Variants in CDH9 observed in about 807,000 individuals in gnomAD.
CDH9 encodes the protein cadherin 9, also known as cadherin-9.
A neutral mutation model predicts 70.9 loss-of-function variants in CDH9; 28 were observed. The ratio of observed to expected loss-of-function variants is 0.40; its 90% CI spans 0.29 to 0.54. The LOEUF (loss-of-function observed/expected upper bound fraction) is 0.54. Ranked by LOEUF, CDH9 falls within the 20% of genes least tolerant of loss-of-function variation. The pLI, the probability that CDH9 is intolerant of heterozygous loss-of-function variation, is 0.59. For missense variants in CDH9, 874 were observed against 984.4 expected, an observed-to-expected ratio of 0.89 and a Z score of 1.50; for synonymous variants, 409 against 343.1, an observed-to-expected ratio of 1.19 and a Z score of -2.12.
rs1284489199 is a variant in CDH9, at chr5:26,952,598, G to A, written c.228+35508C>T. The stretch of plus-strand genomic sequence containing the variant: ...TGCAGTGAACTTAGATCGCGCCACT[G>A]CACTCCAGCCTGGGCGACAGAGAAA... On this transcript the variant is annotated intron_variant, in intron 2 of 11. Transcript: ENST00000231021. Among the ~76,000 whole-genome samples the A allele has an allele frequency of 8.7e-5, 10 of 115,092 alleles. 1 individual carries two copies. The Admixed American group carries it at 1.3e-3, about 15-fold the overall frequency. 75.5% of individuals were successfully genotyped at this position (115,092 alleles called of 152,430 possible). A position where few individuals can be genotyped will look rare whatever the true frequency, so the allele number is the denominator to read the frequency against.
chr5:27,035,689 TGTGTGTGTG>T (rs1561048619), intron 1 of CDH9, among the ~76,000 whole-genome samples: 11 of 150,628 alleles, frequency 7.3e-5, no homozygotes, highest in Non-Finnish European at 3.0e-5. Context: ...TGTGTGTGTG[TGTGTGTGTG>T]TGTGTGTGTG....
intron 2 of CDH9, among the ~76,000 whole-genome samples, chr5:26,948,844 GT>G (rs1057497516): frequency 2.0e-5 from 3 of 152,176 alleles, no homozygotes; most frequent in African/African-American, 7.2e-5. Context: ...CACGACCTAA[GT>G]TTGAGAATGA....
chr5:26,995,216 C>A (rs2112099029), intron 1 of CDH9, among the ~76,000 whole-genome samples: 1 of 152,244 alleles, frequency 6.6e-6, no homozygotes, highest in South Asian at 2.1e-4. Flanking sequence ...TTGGTTAATT[C>A]ATTAATGCCT....
chr5:26,901,205 G>A (rs1740848753), intron 7 of CDH9, among the ~76,000 whole-genome samples: 1 of 151,866 alleles, frequency 6.6e-6, no homozygotes. Flanking sequence ...AAGAAGGTGT[G>A]TTTCAAAATG....
intron 2 of CDH9, among the ~76,000 whole-genome samples, chr5:26,937,168 A>G (rs1234806497): frequency 1.3e-5 from 2 of 152,098 alleles, no homozygotes. Context: ...AAATGTACAA[A>G]GAACTCTTAA....
chr5:26,887,559 T>C (rs1740586287), intron 9 of CDH9, among the ~76,000 whole-genome samples: 1 of 151,916 alleles, frequency 6.6e-6, no homozygotes, highest in South Asian at 2.1e-4. Context: ...AAGACAAGCA[T>C]ACTGATAGAT....
Position 26,881,144 on chromosome 5 carries a change from G to A in CDH9, c.2362C>T (p.Arg788Ter). The change falls in exon 12 of 12, where the codon CGA (arginine) becomes TGA (stop). Residue 788 changes from arginine to a stop codon, truncating the protein, a stop_gained. Coordinates refer to ENST00000231021, the MANE Select transcript of CDH9 (RefSeq NM_016279.4). LOFTEE classifies it high-confidence loss of function. ...TAAGTCAAACAATCCTCTTAGTCTC[G>A]GTCACTATCATCACCCCCATACATA... ...ADMYGGDDSD[R>*]D The A allele has an allele frequency of 2.5e-6, 4 of 1,603,966 alleles. No individual in the cohort carries two copies. The highest frequency in any genetic ancestry group is 1.3e-5 in the African/African-American group (1 of 74,574).
chr5:26,979,353 A>G (rs77800779), intron 2 of CDH9, among the ~76,000 whole-genome samples: 390 of 151,868 alleles, frequency 2.6e-3, no homozygotes, highest in African/African-American at 8.9e-3. Context: ...GACTAAAAAC[A>G]TAAAAACACA....
chr5:26,940,428 A>T (rs558807329), intron 2 of CDH9, among the ~76,000 whole-genome samples: 43 of 152,318 alleles, frequency 2.8e-4, no homozygotes, highest in African/African-American at 1.0e-3. Context: ...GGTACACATT[A>T]TTAAAAACTA....
At chr5:27,004,561 G>T (rs774773197) in intron 1 of CDH9, among the ~76,000 whole-genome samples, 1 of 152,096 alleles carries the variant, frequency 6.6e-6, no homozygotes, top group Admixed American at 6.6e-5. Flanking sequence ...AAATATCCTG[G>T]TCAACAAAAG....
chr5:26,938,954 G>C (rs982763), intron 2 of CDH9, among the ~76,000 whole-genome samples: 145,571 of 152,136 alleles, frequency 0.96, 69,721 homozygotes, highest in East Asian at 0.99. Flanking sequence ...ACAGTGACAA[G>C]AGAAAATAAA....
At position 26,988,374 on chromosome 5, in the gene CDH9, T is replaced by A. The variant is rs1742523753; in HGVS notation, c.-41A>T. On this transcript the variant is annotated 5_prime_UTR_variant, in exon 2 of 12. Coordinates refer to ENST00000231021, the MANE Select transcript of CDH9 (RefSeq NM_016279.4). ...TGGGTTGTCAAATTCAATGTATTGT[T>A]TGTTTTTCCTAAAGAGTAAGGAGAA... The A allele has an allele frequency of 6.3e-7, 1 of 1,594,298 alleles. No homozygotes were observed. The highest frequency in any genetic ancestry group is 1.7e-5 in the Admixed American group (1 of 59,136).
intron 7 of CDH9, among the ~76,000 whole-genome samples, chr5:26,902,166 G>A (rs971301947): frequency 6.6e-6 from 1 of 151,792 alleles, no homozygotes; most frequent in African/African-American, 2.4e-5. Context: ...TAAACAATGG[G>A]CAAATTACTT....
intron 1 of CDH9, among the ~76,000 whole-genome samples, chr5:26,991,442 T>C (rs963855396): frequency 6.6e-6 from 1 of 152,206 alleles, no homozygotes; most frequent in Non-Finnish European, 1.5e-5. Context: ...TGCCACAGTA[T>C]GAAACTCAAC....
chr5:26,923,982 T>C (rs1325368974), intron 2 of CDH9, among the ~76,000 whole-genome samples: 2 of 151,620 alleles, frequency 1.3e-5, no homozygotes, highest in South Asian at 2.1e-4. Context: ...TAATACATCA[T>C]AAGACACTGA....
chr5:26,909,152 C>CT (rs34336908), intron 3 of CDH9, among the ~76,000 whole-genome samples: 19,411 of 151,672 alleles, frequency 0.13, 1,358 homozygotes, highest in Middle Eastern at 0.33. Flanking sequence ...CCTGGCTAAT[C>CT]TTTTTTGTAT....
intron 1 of CDH9, among the ~76,000 whole-genome samples, chr5:26,997,649 T>C (rs1010004494): frequency 6.6e-6 from 1 of 152,120 alleles, no homozygotes; most frequent in Non-Finnish European, 1.5e-5. Flanking sequence ...GATTGTTGGC[T>C]AACAAGCTAT....
chr5:26,974,378 G>T, intron 2 of CDH9, among the ~76,000 whole-genome samples: 1 of 151,788 alleles, frequency 6.6e-6, no homozygotes, highest in East Asian at 1.9e-4. Flanking sequence ...TTCCAACAAA[G>T]CAGTTCTATA....
At chr5:26,906,228 A>G in intron 4 of CDH9, 102 bp from the exon 5 acceptor site, 2 of 899,372 alleles carry the variant, frequency 2.2e-6, no homozygotes, top group Non-Finnish European at 3.4e-6. Context: ...ACAAACATAA[A>G]ATGTCAGTGT....
Sources: allele counts gnomAD v4.1 joint callset (sites outside exome capture counted in the v4.1 genomes callset), GRCh38; gene constraint gnomAD v4.1.1; transcripts MANE v1.5; gene names NCBI Gene and HGNC (gene_info 2026-07-23, HGNC 2026-07-21).